The following BEGAIN variants were observed in gnomAD, a reference collection of about 807,000 sequenced individuals.
BEGAIN encodes the protein brain enriched guanylate kinase associated.
BEGAIN carries 19 observed loss-of-function variants against 35.8 expected under a neutral mutation model. That is an observed-to-expected ratio of 0.53 (90% CI 0.37 to 0.78). The LOEUF is 0.78. Among genes scored for constraint, BEGAIN ranks in the 30% least tolerant of loss-of-function variants. The pLI, the probability that BEGAIN is intolerant of heterozygous loss-of-function variation, is 0.00. For synonymous variants in BEGAIN, 462 were observed against 388.6 expected (o/e 1.19, Z -2.22); for missense variants, 795 against 853.6 (o/e 0.93, Z 0.85).
At position 100,538,622 on chromosome 14, in the gene BEGAIN, C is replaced by T; in HGVS notation, c.1186G>A (p.Ala396Thr). 1 of 1,549,134 alleles carries T rather than the reference C, an allele frequency of 6.5e-7. No individual in the cohort carries two copies. The highest frequency in any genetic ancestry group is 8.7e-7 in the Non-Finnish European group (1 of 1,146,118). Residue 396 changes from alanine to threonine, a missense_variant, in exon 7 of 7, where the codon GCC becomes ACC. Ala to Thr is a moderately conservative substitution (Grantham distance 58). Around this residue, in one of 3 missense-constraint regions of BEGAIN, gnomAD observed 664 missense variants for 647.7 expected, o/e 1.03. Transcript: ENST00000554140. Reference protein sequence around the residue: ...GFGRTMSPYPAETFRFPASPG... With the variant: ...GFGRTMSPYPTETFRFPASPG... ...GAGGCCGGGAAGCGGAAGGTCTCGG[C>T]CGGGTACGGTGACATGGTCCGCCCG...
chr14:100,546,752 A>T, intron 2 of BEGAIN, 90 bp from the exon 3 acceptor site: 2 of 1,249,222 alleles, frequency 1.6e-6, no homozygotes, highest in South Asian at 1.6e-5. Context: ...CCGCACTAAC[A>T]CGCGAGTACC....
intron 2 of BEGAIN, chr14:100,550,414 T>A (rs532845919): frequency 1.0e-5 from 4 of 399,098 alleles, no homozygotes; most frequent in Admixed American, 8.8e-5. Flanking sequence ...ACAACAGGTA[T>A]GTTACCTGTC....
Position 100,538,073 on chromosome 14 carries a change from C to A in BEGAIN, c.1735G>T (p.Ala579Ser). Residue 579 changes from alanine to serine, a missense_variant, in exon 7 of 7, where the codon GCC becomes TCC. Ala to Ser is a moderately conservative substitution (Grantham distance 99). Coordinates refer to ENST00000554140, the MANE Select transcript of BEGAIN (RefSeq NM_001385089.1). ...AAGGCCTGCTGGGGGCTGAGGCGGGCGGCAGGATGCATTTCCGGGGAGGCC... is the reference window on the plus strand; with the variant it reads ...AAGGCCTGCTGGGGGCTGAGGCGGGAGGCAGGATGCATTTCCGGGGAGGCC... ...MEASPEMHPA[A>S]RLSPQQAFPR... 1.3e-6 allele frequency: 2 copies of A among 1,592,258 alleles called. No homozygotes were observed. Among genetic ancestry groups the A allele is most frequent in the Non-Finnish European group, 1.7e-6 (2 of 1,171,206 alleles).
chr14:100,546,110 G>C (rs546253837), intron 3 of BEGAIN: 1 of 169,380 alleles, frequency 5.9e-6, no homozygotes, highest in African/African-American at 2.4e-5. Flanking sequence ...CTCCGGGCTA[G>C]ACACAGCTTT....
chr14:100,566,536 C>A (rs571208513), intron 2 of BEGAIN, among the ~76,000 whole-genome samples: 1 of 152,318 alleles, frequency 6.6e-6, no homozygotes, highest in South Asian at 2.1e-4. Context: ...GCGGTACAAC[C>A]CAGGTGGTGA....
chr14:100,545,097 T>C (rs369884208), intron 3 of BEGAIN, 31 bp from the exon 4 acceptor site: 22 of 1,612,430 alleles, frequency 1.4e-5, no homozygotes, highest in Non-Finnish European at 1.8e-5. Context: ...GTCACTGCCA[T>C]GCAAGGCCTG....
Position 100,539,098 on chromosome 14 carries a change from G to C in BEGAIN, c.710C>G (p.Pro237Arg). Residue 237 changes from proline (P) to arginine (R), a missense_variant, in exon 7 of 7, where the codon CCG (proline) becomes CGG (arginine). Pro to Arg is a moderately radical substitution (Grantham distance 103, BLOSUM62 -2). Around this residue, in one of 3 missense-constraint regions of BEGAIN, gnomAD observed 664 missense variants for 647.7 expected, o/e 1.03. Coordinates refer to ENST00000554140, the MANE Select transcript of BEGAIN (RefSeq NM_001385089.1). Reference sequence around the variant, plus strand: ...GATGTCTCCCTTGTAGGGGGGCCGCGGGCCTGGTTTCTCCACCCCGTCGCA... The same window carrying C: ...GATGTCTCCCTTGTAGGGGGGCCGCCGGCCTGGTTTCTCCACCCCGTCGCA... Reference protein sequence around the residue: ...AFCDGVEKPGPRPPYKGDIYC... With the variant: ...AFCDGVEKPGRRPPYKGDIYC... 1 of 1,610,458 alleles carries C rather than the reference G, an allele frequency of 6.2e-7. No homozygotes were observed. Among genetic ancestry groups the C allele is most frequent in the Non-Finnish European group, 8.5e-7 (1 of 1,178,080 alleles).
chr14:100,569,108 GCCGGCCTTCCGGCGCTCTC>G (rs1266109343), intron 1 of BEGAIN: 1 of 205,410 alleles, frequency 4.9e-6, no homozygotes, highest in Non-Finnish European at 8.6e-6. Context: ...GGGTGCTCGG[GCCGGCCTTCCGGCGCTCTC>G]CCGGCCTCAG....
At chr14:100,552,697 C>T (rs953188124) in intron 2 of BEGAIN, among the ~76,000 whole-genome samples, 3 of 152,234 alleles carry the variant, frequency 2.0e-5, no homozygotes, top group African/African-American at 7.2e-5. Context: ...CCACTGGTTT[C>T]CTGGCCCGGC....
At chr14:100,545,161 T>C in intron 3 of BEGAIN, 95 bp from the exon 4 acceptor site, 3 of 1,592,690 alleles carry the variant, frequency 1.9e-6, no homozygotes, top group Non-Finnish European at 2.6e-6. Flanking sequence ...TGGGGCTGAA[T>C]TTGGACCTCC....
rs1400263704 is a variant in BEGAIN at position 100,538,951 on chromosome 14, G to A, written c.857C>T (p.Ala286Val). The A allele has an allele frequency of 6.2e-7, 1 of 1,609,186 alleles. No individual in the cohort carries two copies. The highest frequency in any genetic ancestry group is 8.5e-7 in the Non-Finnish European group (1 of 1,178,254). ...LRAQNSTDSA[A>V]EEEEEAEAAA... is the part of the protein sequence containing the mutation. ...CGCCTCGGCCTCCTCCTCCTCCTCG[G>A]CCGCGCTGTCAGTGGAGTTCTGGGC... Residue 286 changes from alanine (A) to valine (V), a missense_variant, in exon 7 of 7, where the codon GCC (alanine) becomes GTC (valine). Coordinates refer to ENST00000554140, the MANE Select transcript of BEGAIN (RefSeq NM_001385089.1).
chr14:100,572,750 G>A (rs978307391), intron 1 of BEGAIN, among the ~76,000 whole-genome samples: 2 of 152,192 alleles, frequency 1.3e-5, no homozygotes, highest in African/African-American at 4.8e-5. Flanking sequence ...GCAACAAGGC[G>A]GCTGTGTGTA....
chr14:100,562,237 C>T (rs1003732452), intron 2 of BEGAIN, among the ~76,000 whole-genome samples: 11 of 151,972 alleles, frequency 7.2e-5, no homozygotes, highest in South Asian at 4.2e-4. Context: ...AGGTGGGTGC[C>T]GCCAGGTGGC....
chr14:100,537,915 T>G lies in BEGAIN; in HGVS notation c.*54A>C, dbSNP rs2030804293. On this transcript the variant is annotated 3_prime_UTR_variant, in exon 7 of 7. Coordinates refer to ENST00000554140, the MANE Select transcript of BEGAIN (RefSeq NM_001385089.1). ...TGGGGAGAGGTGAGGCCGGCCCTTC[T>G]GGGGCACGTGGGCTGGCGGGGAGCG... is the stretch of plus-strand genomic sequence containing the variant. The G allele has an allele frequency of 6.5e-7, 1 of 1,547,764 alleles. No individual in the cohort carries two copies. The highest frequency in any genetic ancestry group is 8.7e-7 in the Non-Finnish European group (1 of 1,148,116).
chr14:100,543,802 G>T, intron 5 of BEGAIN, 56 bp downstream of exon 5: 3 of 1,389,896 alleles, frequency 2.2e-6, no homozygotes, highest in South Asian at 1.2e-5. Flanking sequence ...ATCCTGGGAA[G>T]CCCTCGCCTA....
chr14:100,551,850 C>T (rs2140601367), intron 2 of BEGAIN, among the ~76,000 whole-genome samples: 2 of 152,218 alleles, frequency 1.3e-5, no homozygotes, highest in Middle Eastern at 3.4e-3. Flanking sequence ...GGGTCTGATG[C>T]CCCAGCGCAT....
intron 1 of BEGAIN, chr14:100,569,013 G>A: frequency 1.1e-6 from 1 of 908,406 alleles, no homozygotes; most frequent in Non-Finnish European, 1.3e-6. Context: ...CCACCGCCCC[G>A]CCGGGCGAGG....
At chr14:100,571,793 C>T (rs1457074213) in intron 1 of BEGAIN, among the ~76,000 whole-genome samples, 2 of 152,184 alleles carry the variant, frequency 1.3e-5, no homozygotes, top group Non-Finnish European at 2.9e-5. Flanking sequence ...GCCTTGCTGG[C>T]TCCAGGCTCA....
intron 2 of BEGAIN, chr14:100,549,970 C>T (rs56684026): frequency 0.16 from 25,151 of 153,452 alleles, 2,919 homozygotes; most frequent in East Asian, 0.5. Flanking sequence ...CCCTTCCAGG[C>T]CTGGGGGCCT....
Sources: gnomAD v4.1 joint callset for allele counts (sites outside exome capture counted in the v4.1 genomes callset) on GRCh38, gnomAD v4.1.1 for gene constraint, gnomAD v4.1.1 regional missense constraint, MANE v1.5 for transcripts, NCBI Gene and HGNC (gene_info 2026-07-23, HGNC 2026-07-21) for gene names.